Variants in HCRTR2 observed in about 807,000 individuals in gnomAD.
HCRTR2 encodes the protein hypocretin receptor 2, also known as orexin receptor type 2.
In HCRTR2, 22 loss-of-function variants were observed where a neutral mutation model predicts 49.0. That is an observed-to-expected ratio of 0.45 (90% CI 0.32 to 0.64). The LOEUF is 0.64. Among genes scored for constraint, HCRTR2 ranks in the 30% least tolerant of loss-of-function variants. The pLI, the probability that HCRTR2 is intolerant of heterozygous loss-of-function variation, is 0.04. For missense variants in HCRTR2, 491 were observed against 559.4 expected, an observed-to-expected ratio of 0.88 and a Z score of 1.23; for synonymous variants, 236 against 205.3, an observed-to-expected ratio of 1.15 and a Z score of -1.28.
chr6:55,217,711 T>C (rs62418315), intron 1 of HCRTR2, among the ~76,000 whole-genome samples: 453 of 152,306 alleles, frequency 3.0e-3, no homozygotes, highest in Non-Finnish European at 5.3e-3. Flanking sequence ...TATAAAATGA[T>C]TCAGACTTTC....
At chr6:55,132,551 T>A (rs1047613635) in intron 1 of HCRTR2, among the ~76,000 whole-genome samples, 2 of 151,858 alleles carry the variant, frequency 1.3e-5, no homozygotes, top group Non-Finnish European at 3.0e-5. Context: ...TGGAATGTGG[T>A]GCATTAAAGT....
chr6:55,218,302 C>T (rs1401388550), intron 1 of HCRTR2, among the ~76,000 whole-genome samples: 2 of 151,760 alleles, frequency 1.3e-5, no homozygotes, highest in South Asian at 2.1e-4. Context: ...GATGTCACTA[C>T]AAAAAAATTA....
chr6:55,156,368 A>G (rs1764730657), intron 1 of HCRTR2, among the ~76,000 whole-genome samples: 1 of 152,084 alleles, frequency 6.6e-6, no homozygotes, highest in African/African-American at 2.4e-5. Flanking sequence ...TAATAATCTT[A>G]TTTAATTATC....
At chr6:55,150,510 G>A (rs1423697547) in intron 1 of HCRTR2, among the ~76,000 whole-genome samples, 2 of 151,662 alleles carry the variant, frequency 1.3e-5, no homozygotes, top group African/African-American at 2.4e-5. Flanking sequence ...CACCTCCCCC[G>A]GCCCTGGATA....
chr6:55,168,185 T>C (rs1581804299), intron 1 of HCRTR2, among the ~76,000 whole-genome samples: 1 of 152,080 alleles, frequency 6.6e-6, no homozygotes, highest in African/African-American at 2.4e-5. Context: ...AAAACAAATA[T>C]CTTTATCTCA....
At chr6:55,228,248 GAAGA>G (rs1766048983) in intron 1 of HCRTR2, among the ~76,000 whole-genome samples, 2 of 152,058 alleles carry the variant, frequency 1.3e-5, no homozygotes, top group Non-Finnish European at 2.9e-5. Context: ...AGAGTTGAAT[GAAGA>G]AAGTTATTAA....
At chr6:55,242,619 T>A (rs1238490599) in intron 1 of HCRTR2, among the ~76,000 whole-genome samples, 1 of 152,198 alleles carries the variant, frequency 6.6e-6, no homozygotes, top group Non-Finnish European at 1.5e-5. Context: ...TATCATAAAT[T>A]TTATAGTCAA....
chr6:55,241,861 A>ATTTTTTTTTTTT lies in HCRTR2; in HGVS notation c.224-6766_224-6755dup, dbSNP rs917427627. On this transcript the variant is annotated intron_variant, in intron 1 of 6. Coordinates refer to ENST00000370862, the MANE Select transcript of HCRTR2 (RefSeq NM_001384272.1). ...GTAGTCTGTCTTACTATGGCAACTA[A>ATTTTTTTTTTTT]TTTTTTTTTTTTTTTTTTTTTTTGT... 5.1e-4 allele frequency among the ~76,000 whole-genome samples: 47 copies of ATTTTTTTTTTTT among 92,520 alleles called. 2 individuals are homozygous for ATTTTTTTTTTTT. Among genetic ancestry groups the ATTTTTTTTTTTT allele is most frequent in the African/African-American group, 1.6e-3 (37 of 22,968 alleles). The allele number at this position is 92,520 out of a possible 152,430, so 60.7% of individuals were successfully genotyped here.
chr6:55,191,545 T>C (rs539071405), intron 1 of HCRTR2, among the ~76,000 whole-genome samples: 1 of 152,168 alleles, frequency 6.6e-6, no homozygotes, highest in Non-Finnish European at 1.5e-5. Flanking sequence ...ACAAAAACAT[T>C]GTGAAATACT....
At chr6:55,153,155 A>T (rs995382933) in intron 1 of HCRTR2, among the ~76,000 whole-genome samples, 1 of 151,972 alleles carries the variant, frequency 6.6e-6, no homozygotes, top group Non-Finnish European at 1.5e-5. Flanking sequence ...TCAGCAAAGA[A>T]CAGTTGTCTG....
chr6:55,204,916 G>T (rs927515935), intron 1 of HCRTR2, among the ~76,000 whole-genome samples: 1 of 152,030 alleles, frequency 6.6e-6, no homozygotes, highest in Non-Finnish European at 1.5e-5. Flanking sequence ...CTCCCAGGCA[G>T]CTGGGACTAC....
chr6:55,272,886 C>T (rs1447495992), intron 4 of HCRTR2, among the ~76,000 whole-genome samples: 1 of 127,460 alleles, frequency 7.8e-6, no homozygotes, highest in East Asian at 2.4e-4. Flanking sequence ...AAGTCATAGA[C>T]TGTGTGAAAG....
At chr6:55,246,688 A>G (rs1019959890) in intron 1 of HCRTR2, among the ~76,000 whole-genome samples, 2 of 151,958 alleles carry the variant, frequency 1.3e-5, no homozygotes, top group African/African-American at 4.8e-5. Context: ...ACTTTTACTT[A>G]CTCTAGTACT....
intron 1 of HCRTR2, among the ~76,000 whole-genome samples, chr6:55,129,279 A>G (rs1183814185): frequency 6.6e-6 from 1 of 152,086 alleles, no homozygotes; most frequent in African/African-American, 2.4e-5. Flanking sequence ...TGTGTTTTCA[A>G]ATCTCCTCAA....
chr6:55,282,831 C>A (rs1381102548), downstream of HCRTR2, among the ~76,000 whole-genome samples: 1 of 151,736 alleles, frequency 6.6e-6, no homozygotes, highest in Non-Finnish European at 1.5e-5. Context: ...TTTTTTGCTA[C>A]TAAAAGAAGT....
At chr6:55,163,151 G>A (rs1468294022) in intron 1 of HCRTR2, among the ~76,000 whole-genome samples, 1 of 151,942 alleles carries the variant, frequency 6.6e-6, no homozygotes, top group African/African-American at 2.4e-5. Context: ...GCAGGAGAAT[G>A]GCGTGAACCC....
chr6:55,125,732 T>C (rs6459068), intron 1 of HCRTR2, among the ~76,000 whole-genome samples: 94,187 of 152,132 alleles, frequency 0.62, 30,335 homozygotes, highest in African/African-American at 0.73. Flanking sequence ...TCATTCTCTC[T>C]GTCATTTTCA....
intron 1 of HCRTR2, 87 bp from the exon 2 acceptor site, chr6:55,248,552 G>A (rs62416819): frequency 0.22 from 237,266 of 1,086,474 alleles, 27,721 homozygotes; most frequent in Middle Eastern, 0.26. Flanking sequence ...ATACATATTT[G>A]TGGACTTTAT....
At chr6:55,130,841 TATC>T (rs1764346295) in intron 1 of HCRTR2, among the ~76,000 whole-genome samples, 2 of 151,906 alleles carry the variant, frequency 1.3e-5, no homozygotes, top group African/African-American at 4.8e-5. Context: ...ACTGTTTTAA[TATC>T]AGGTCAATTA....
Sources: gnomAD v4.1 joint callset for allele counts (sites outside exome capture counted in the v4.1 genomes callset) on GRCh38, gnomAD v4.1.1 for gene constraint, MANE v1.5 for transcripts, NCBI Gene and HGNC (gene_info 2026-07-23, HGNC 2026-07-21) for gene names.